The following ANKFN1 variants were observed in gnomAD, a reference collection of about 807,000 sequenced individuals.
ANKFN1 encodes the protein ankyrin repeat and fibronectin type III domain containing 1.
Under a neutral mutation model 108.7 loss-of-function variants are expected in ANKFN1, and 74 were observed. The ratio of observed to expected loss-of-function variants is 0.68; its 90% confidence interval spans 0.56 to 0.83. The LOEUF (loss-of-function observed/expected upper bound fraction) is 0.83, where lower values mean the gene tolerates loss of function less well. Among genes scored for constraint, ANKFN1 ranks in the 40% least tolerant of loss-of-function variants. The pLI, the probability that ANKFN1 is intolerant of heterozygous loss-of-function variation, is 0.00. For synonymous variants in ANKFN1, 547 were observed against 516.2 expected, an observed-to-expected ratio of 1.06 and a Z score of -0.81; for missense variants, 1,505 against 1,382.3, an observed-to-expected ratio of 1.09 and a Z score of -1.41.
At chr17:56,099,632 T>A (rs1043308824) in intron 4 of ANKFN1, among the ~76,000 whole-genome samples, 1 of 152,208 alleles carries the variant, frequency 6.6e-6, no homozygotes, top group Non-Finnish European at 1.5e-5. Context: ...AATTTAGACA[T>A]TGGAGCACAG....
intron 4 of ANKFN1, among the ~76,000 whole-genome samples, chr17:56,146,934 C>G (rs2215766): frequency 0.011 from 1,735 of 152,252 alleles, 36 homozygotes; most frequent in African/African-American, 0.039. Context: ...ATTTTCCAAA[C>G]TTTTATGTCT....
chr17:56,272,370 C>G (rs1224770822), intron 3 of ANKFN1, among the ~76,000 whole-genome samples: 1 of 152,118 alleles, frequency 6.6e-6, no homozygotes, highest in Non-Finnish European at 1.5e-5. Flanking sequence ...AATTTGACTA[C>G]TCTAGGAATC....
At chr17:56,331,736 C>G (rs1208487697) in intron 4 of ANKFN1, among the ~76,000 whole-genome samples, 1 of 152,156 alleles carries the variant, frequency 6.6e-6, no homozygotes, top group Non-Finnish European at 1.5e-5. Flanking sequence ...GTCAAAGCAG[C>G]TATTTCCTCA....
chr17:56,393,368 C>G (rs962924644), intron 8 of ANKFN1, among the ~76,000 whole-genome samples: 2 of 152,208 alleles, frequency 1.3e-5, no homozygotes, highest in Non-Finnish European at 2.9e-5. Context: ...GCCCCCACCT[C>G]CCACCCATAC....
chr17:56,274,227 A>C (rs1316856814), intron 3 of ANKFN1, among the ~76,000 whole-genome samples: 1 of 152,138 alleles, frequency 6.6e-6, no homozygotes, highest in Non-Finnish European at 1.5e-5. Flanking sequence ...CATCCCAGCA[A>C]CTTTGGGAGG....
At chr17:56,345,353 A>G (rs1331746504) in intron 4 of ANKFN1, among the ~76,000 whole-genome samples, 1 of 152,190 alleles carries the variant, frequency 6.6e-6, no homozygotes, top group Non-Finnish European at 1.5e-5. Context: ...CTATAAACAT[A>G]CATGTGCATG....
chr17:56,268,754 T>C (rs948609509), intron 3 of ANKFN1, among the ~76,000 whole-genome samples: 1 of 152,154 alleles, frequency 6.6e-6, no homozygotes, highest in African/African-American at 2.4e-5. Context: ...AGCTGGACTG[T>C]AAGTTTCTCC....
chr17:56,330,423 C>T (rs1260695208), intron 4 of ANKFN1, among the ~76,000 whole-genome samples: 1 of 152,184 alleles, frequency 6.6e-6, no homozygotes, highest in East Asian at 1.9e-4. Flanking sequence ...CTGCCCTTGA[C>T]ATGTGGGGAT....
chr17:56,227,774 T>G, intron 2 of ANKFN1, 143 bp from the exon 3 acceptor site: 2 of 683,632 alleles, frequency 2.9e-6, no homozygotes, highest in South Asian at 3.6e-5. Context: ...AAGAAAAGTC[T>G]CCCAATAAAT....
At chr17:56,189,941 T>A (rs943047714) in intron 1 of ANKFN1, among the ~76,000 whole-genome samples, 2 of 149,930 alleles carry the variant, frequency 1.3e-5, no homozygotes, top group African/African-American at 2.5e-5. Flanking sequence ...GGCATTATCA[T>A]GACAAAAAGA....
rs1458706415 is a variant in ANKFN1 at position 56,511,879 on chromosome 17, G to A, written c.*610G>A. Among the ~76,000 whole-genome samples the A allele has an allele frequency of 1.3e-5, 2 of 152,144 alleles. No homozygotes were observed. Among genetic ancestry groups the A allele is most frequent in the East Asian group, 1.9e-4 (1 of 5,188 alleles). Reference sequence around the variant, plus strand: ...CATCAGTACTTATCTGATTAAATAGGCCTTGACAGGCCTTTTTTTCTTCGT... The same window carrying A: ...CATCAGTACTTATCTGATTAAATAGACCTTGACAGGCCTTTTTTTCTTCGT... On this transcript the variant is annotated 3_prime_UTR_variant, in exon 21 of 21. Transcript: ENST00000682825.
chr17:56,319,917 T>G (rs1203992602), intron 3 of ANKFN1, among the ~76,000 whole-genome samples: 1 of 152,090 alleles, frequency 6.6e-6, no homozygotes, highest in African/African-American at 2.4e-5. Context: ...ATTATATTTC[T>G]TATTATATTA....
intron 4 of ANKFN1, among the ~76,000 whole-genome samples, chr17:56,105,088 A>G (rs1317679498): frequency 6.6e-6 from 1 of 152,208 alleles, no homozygotes. Flanking sequence ...GGAAATATGC[A>G]GCAACTTTGC....
At chr17:56,249,452 A>T (rs947349496) in intron 3 of ANKFN1, among the ~76,000 whole-genome samples, 2 of 152,064 alleles carry the variant, frequency 1.3e-5, no homozygotes, top group African/African-American at 4.8e-5. Flanking sequence ...AAAAAAAAAA[A>T]AGTCAAATTA....
At chr17:56,355,403 A>G (rs1050257462) in intron 6 of ANKFN1, among the ~76,000 whole-genome samples, 1 of 152,182 alleles carries the variant, frequency 6.6e-6, no homozygotes. Context: ...TGAGGCAGGC[A>G]TGAATAAGAC....
chr17:56,344,718 A>G (rs2046051070), intron 4 of ANKFN1, among the ~76,000 whole-genome samples: 2 of 152,138 alleles, frequency 1.3e-5, no homozygotes, highest in Admixed American at 1.3e-4. Flanking sequence ...GCTCTAAGTC[A>G]GAGCGAATGA....
chr17:56,263,177 G>A (rs1363482094), intron 3 of ANKFN1, among the ~76,000 whole-genome samples: 1 of 152,156 alleles, frequency 6.6e-6, no homozygotes, highest in East Asian at 1.9e-4. Context: ...GGCCATCCTG[G>A]GCCATTTAGC....
intron 11 of ANKFN1, among the ~76,000 whole-genome samples, chr17:56,453,795 C>CT (rs113373908): frequency 0.075 from 10,934 of 146,438 alleles, 1,154 homozygotes; most frequent in African/African-American, 0.24. Flanking sequence ...GGTTGAAATC[C>CT]TTTTTTTTTT....
chr17:56,227,876 G>T (rs1212811921), intron 2 of ANKFN1, 41 bp from the exon 3 acceptor site: 5 of 1,540,850 alleles, frequency 3.2e-6, no homozygotes, highest in Non-Finnish European at 4.4e-6. Context: ...ATTGATTACT[G>T]TACAATTTTT....
Sources: gnomAD v4.1 joint callset for allele counts (sites outside exome capture counted in the v4.1 genomes callset) on GRCh38, gnomAD v4.1.1 for gene constraint, MANE v1.5 for transcripts, NCBI Gene and HGNC (gene_info 2026-07-23, HGNC 2026-07-21) for gene names.